The following HYDIN variants were observed in gnomAD, a reference collection of about 807,000 sequenced individuals.
HYDIN encodes the protein axonemal central pair apparatus protein HYDIN.
Under a neutral mutation model 403.9 loss-of-function variants are expected in HYDIN, and 132 were observed. The observed-to-expected ratio is 0.33, with a 90% CI of 0.28 to 0.38. HYDIN has a LOEUF of 0.38. Ranked by LOEUF, HYDIN falls within the 10% of genes least tolerant of loss-of-function variation. The probability of loss-of-function intolerance (pLI) is 1.00; values close to 1 mark genes in which losing one functional copy is unlikely to be tolerated. For missense variants in HYDIN, 2,827 were observed against 5,009.5 expected, an observed-to-expected ratio of 0.56 and a Z score of 13.15; for synonymous variants, 1,202 against 1,891.7, an observed-to-expected ratio of 0.64 and a Z score of 9.46.
At chr16:71,203,267 AC>A (rs1567447482) in intron 1 of HYDIN, among the ~76,000 whole-genome samples, 2 of 152,170 alleles carry the variant, frequency 1.3e-5, no homozygotes, top group Non-Finnish European at 2.9e-5. Flanking sequence ...GATCCTGTGA[AC>A]CATCCTAGTG....
In HYDIN at chr16:71,124,213, G is replaced by A. The variant is rs575789928; in HGVS notation, c.1227+5427C>T. On this transcript the variant is annotated intron_variant, in intron 9 of 85. Transcript: ENST00000393567. ...CAAGGCTTGAGCAATGGACCCTACAGCCTTGTTAAATGATGAGCATGATGA... is the reference window on the plus strand; with the variant it reads ...CAAGGCTTGAGCAATGGACCCTACAACCTTGTTAAATGATGAGCATGATGA... Among the ~76,000 whole-genome samples, 54 of 152,150 alleles carry A rather than the reference G, an allele frequency of 3.5e-4. 1 individual carries two copies. In the East Asian group the frequency reaches 9.3e-3, roughly 26 times the overall value.
rs931737892 is a variant in HYDIN at position 71,186,706 on chromosome 16, T to C, written c.135+55A>G. ...TGAGAATGCCAAGTAGCAACTGTCATTCTCCTAAGGAGATTGCATTAAGTA... is the reference window on the plus strand; with the variant it reads ...TGAGAATGCCAAGTAGCAACTGTCACTCTCCTAAGGAGATTGCATTAAGTA... On this transcript the variant is annotated intron_variant, in intron 2 of 85. Coordinates refer to ENST00000393567, the MANE Select transcript of HYDIN (RefSeq NM_001270974.2). The C allele has an allele frequency of 7.2e-6, 10 of 1,392,328 alleles. No homozygotes were observed. In the African/African-American group the frequency reaches 1.3e-4, roughly 18 times the overall value. 86.2% of individuals were successfully genotyped at this position (1,392,328 alleles called of 1,614,324 possible).
Position 70,938,745 on chromosome 16 carries a change from G to C in HYDIN, c.6864C>G (p.His2288Gln). Residue 2288 changes from histidine to glutamine, a missense_variant, in exon 44 of 86, where the codon CAC becomes CAG. His to Gln is a conservative substitution (Grantham distance 24). Transcript: ENST00000393567. ...KAKKEQEERK[H>Q]KGALEKEKER... The stretch of plus-strand genomic sequence containing the variant: ...CCTTCTCTTTCTCAAGAGCTCCCTT[G>C]TGCTTGCGTTCTGTGAGGGGAACAG... 6.2e-7 allele frequency: 1 copy of C among 1,614,054 alleles called. No individual in the cohort carries two copies. The highest frequency in any genetic ancestry group is 8.5e-7 in the Non-Finnish European group (1 of 1,180,030).
At chr16:70,817,463 T>G (rs1267527669) in intron 84 of HYDIN, 1 of 152,116 alleles carries the variant, frequency 6.6e-6, no homozygotes, top group African/African-American at 2.4e-5. Context: ...CAGCTGGAGC[T>G]GGAGTGAGGG....
At chr16:70,900,554 T>C (rs1425800591) in intron 53 of HYDIN, among the ~76,000 whole-genome samples, 1 of 140,156 alleles carries the variant, frequency 7.1e-6, no homozygotes, top group East Asian at 2.2e-4. Flanking sequence ...AGGGAGGCCA[T>C]TAAGAAAAGG....
At chr16:71,164,908 G>T (rs2086151707) in intron 5 of HYDIN, among the ~76,000 whole-genome samples, 1 of 151,962 alleles carries the variant, frequency 6.6e-6, no homozygotes, top group Non-Finnish European at 1.5e-5. Context: ...TTAGAACCCT[G>T]AAATGAGGCA....
intron 2 of HYDIN, 85 bp downstream of exon 2, chr16:71,186,676 C>T (rs2087166828): frequency 1.9e-6 from 2 of 1,058,028 alleles, no homozygotes; most frequent in Admixed American, 2.1e-5. Context: ...TTCTGTTTGG[C>T]ATTCTGAGAA....
chr16:71,193,953 T>G (rs2087564873), intron 1 of HYDIN, among the ~76,000 whole-genome samples: 1 of 152,212 alleles, frequency 6.6e-6, no homozygotes, highest in Non-Finnish European at 1.5e-5. Context: ...GTTAAAATCC[T>G]TTCTACCCAA....
intron 11 of HYDIN, among the ~76,000 whole-genome samples, chr16:71,089,081 T>C (rs2083022152): frequency 6.9e-6 from 1 of 145,570 alleles, no homozygotes; most frequent in Non-Finnish European, 1.5e-5. Flanking sequence ...TCTCAGATTC[T>C]ACTGGATGGA....
chr16:70,836,115 G>A (rs1372524780), intron 77 of HYDIN, among the ~76,000 whole-genome samples: 1 of 152,140 alleles, frequency 6.6e-6, no homozygotes, highest in Admixed American at 6.5e-5. Flanking sequence ...CTAGGCTAGG[G>A]GGCTCAGGGG....
chr16:70,812,886 A>G (rs2035594001), intron 84 of HYDIN, among the ~76,000 whole-genome samples: 1 of 152,196 alleles, frequency 6.6e-6, no homozygotes, highest in Admixed American at 6.5e-5. Context: ...CTGTGTGACC[A>G]CTGGTATATG....
rs2035075889 is a variant in HYDIN, at chr16:70,805,652, T to C, written c.*1928A>G. 6.6e-6 allele frequency among the ~76,000 whole-genome samples: 1 copy of C among 152,256 alleles called. No homozygotes were observed. The highest frequency in any genetic ancestry group is 6.5e-5 in the Admixed American group (1 of 15,284). On this transcript the variant is annotated 3_prime_UTR_variant, in exon 86 of 86. Transcript: ENST00000393567. ...GCTGTATATTTGCAAGTCATCACTC[T>C]TGCTCATTGATCTTAGCATCCTCTC...
At chr16:70,936,500 C>T (rs1291117464) in intron 44 of HYDIN, among the ~76,000 whole-genome samples, 2 of 114,084 alleles carry the variant, frequency 1.8e-5, no homozygotes, top group African/African-American at 2.5e-5. Flanking sequence ...ATGAGGCCCG[C>T]CTCCCATAGC....
Position 70,850,460 on chromosome 16 carries a change from G to A in HYDIN, c.12639C>T (p.Ile4213=). ...CTTACACCTTTACCTCATAGAAGTT[G>A]ATGATGTTAGTCTGGTTGGGAGTCA... ...TLLTPNQTNI[I]NFYEVELNEC... is the part of the protein sequence containing the mutation. Residue 4213 remains isoleucine, a synonymous_variant, in exon 74 of 86, where the codon ATC becomes ATT. Transcript: ENST00000393567. 6.5e-7 allele frequency: 1 copy of A among 1,528,526 alleles called. No individual in the cohort carries two copies. The highest frequency in any genetic ancestry group is 9.0e-7 in the Non-Finnish European group (1 of 1,115,332). The allele number at this position is 1,528,526 out of a possible 1,614,324, so 94.7% of individuals were successfully genotyped here. A position where few individuals can be genotyped will look rare whatever the true frequency, so the allele number is the denominator to read the frequency against.
intron 5 of HYDIN, among the ~76,000 whole-genome samples, chr16:71,170,381 C>A (rs563675463): frequency 6.6e-6 from 1 of 152,038 alleles, no homozygotes; most frequent in African/African-American, 2.4e-5. Context: ...ACATTTTGTG[C>A]CTCTTGATAT....
chr16:71,110,330 T>C (rs1003630045), intron 10 of HYDIN, among the ~76,000 whole-genome samples: 27 of 140,082 alleles, frequency 1.9e-4, no homozygotes, highest in African/African-American at 7.3e-4. Context: ...TATATCTAAA[T>C]AAGTTATATA....
At chr16:70,855,657 C>T (rs11075797) in intron 72 of HYDIN, among the ~76,000 whole-genome samples, 7,062 of 119,180 alleles carry the variant, frequency 0.059, no homozygotes, top group East Asian at 0.09. Context: ...ATTCTTGCAT[C>T]GAATTCTTTG....
chr16:71,229,223 T>G lies in HYDIN; in HGVS notation c.-24+1339A>C, dbSNP rs568384009. On this transcript the variant is annotated intron_variant, in intron 1 of 85. Coordinates refer to ENST00000393567, the MANE Select transcript of HYDIN (RefSeq NM_001270974.2). ...CTAATGTAAATGACTAGTTAATGGG[T>G]GCAGCACACCAATATGGCACATGTA... Among the ~76,000 whole-genome samples the G allele has an allele frequency of 5.3e-5, 8 of 151,894 alleles. No individual in the cohort carries two copies. The East Asian group carries it at 1.6e-3, about 29-fold the overall frequency.
chr16:71,106,550 C>A (rs866434687), intron 10 of HYDIN, among the ~76,000 whole-genome samples: 1 of 152,066 alleles, frequency 6.6e-6, no homozygotes, highest in African/African-American at 2.4e-5. Context: ...CTCATGGTGC[C>A]TAGATATCAA....
Sources: allele counts gnomAD v4.1 joint callset (sites outside exome capture counted in the v4.1 genomes callset), GRCh38; gene constraint gnomAD v4.1.1; transcripts MANE v1.5; gene names NCBI Gene and HGNC (gene_info 2026-07-23, HGNC 2026-07-21).